The following SPAST variants were observed in gnomAD, a reference collection of about 807,000 sequenced individuals.
The protein encoded by SPAST is spastic paraplegia 4 (autosomal dominant; spastin).
SPAST carries 30 observed loss-of-function variants against 76.6 expected under a neutral mutation model. That is an observed-to-expected ratio of 0.39 (90% CI 0.29 to 0.53). The LOEUF (loss-of-function observed/expected upper bound fraction) is 0.53, where lower values mean the gene tolerates loss of function less well. Among genes scored for constraint, SPAST ranks in the 20% least tolerant of loss-of-function variants. The probability of loss-of-function intolerance (pLI) is 0.68; values close to 1 mark genes in which losing one functional copy is unlikely to be tolerated. For missense variants in SPAST, 717 were observed against 770.5 expected (o/e 0.93, Z 0.82); for synonymous variants, 305 against 281.0 (o/e 1.09, Z -0.86).
chr2:32,107,754 T>A (rs1264455267), intron 4 of SPAST, among the ~76,000 whole-genome samples: 1 of 152,166 alleles, frequency 6.6e-6, no homozygotes, highest in Non-Finnish European at 1.5e-5. Context: ...TCTTTTCTTT[T>A]CTGTTTTCTG....
chr2:32,108,383 T>C (rs1181347150), intron 4 of SPAST, among the ~76,000 whole-genome samples: 1 of 152,220 alleles, frequency 6.6e-6, no homozygotes, highest in Non-Finnish European at 1.5e-5. Flanking sequence ...TTTGGTTTCA[T>C]ATACAATGCT....
chr2:32,150,413 T>TATTTA lies in SPAST; in HGVS notation c.1728+3176_1728+3180dup, dbSNP rs538053886. ...GCTGAAAGCTTTTAGTTTTCTAACTTATTTAATTTAATTTAATTTAATTTA... is the reference window on the plus strand; with the variant it reads ...GCTGAAAGCTTTTAGTTTTCTAACTTATTTAATTTAATTTAATTTAATTTAATTTA... On this transcript the variant is annotated intron_variant, in intron 16 of 16. Transcript: ENST00000315285. 1.1e-3 allele frequency among the ~76,000 whole-genome samples: 162 copies of TATTTA among 151,336 alleles called. 1 individual carries two copies. Among genetic ancestry groups the TATTTA allele is most frequent in the Admixed American group, 1.8e-3 (28 of 15,172 alleles).
At chr2:32,127,158 GTTTGT>G (rs1006566580) in intron 8 of SPAST, 136 bp downstream of exon 8, 9 of 723,328 alleles carry the variant, frequency 1.2e-5, no homozygotes, top group South Asian at 7.7e-5. Flanking sequence ...TTTTTTGTTT[GTTTGT>G]TTTGTTTTGT....
At chr2:32,098,701 T>G (rs977838120) in intron 3 of SPAST, 95 bp from the exon 4 acceptor site, 5 of 803,030 alleles carry the variant, frequency 6.2e-6, no homozygotes, top group Non-Finnish European at 1.1e-5. Context: ...GGTAACACCT[T>G]GAGTAATTTG....
chr2:32,065,465 A>T (rs894426860), intron 1 of SPAST, among the ~76,000 whole-genome samples: 2 of 152,222 alleles, frequency 1.3e-5, no homozygotes. Context: ...AGATGAAGGT[A>T]TTATTGGTAT....
At chr2:32,071,121 T>C (rs550091267) in intron 1 of SPAST, among the ~76,000 whole-genome samples, 21 of 152,324 alleles carry the variant, frequency 1.4e-4, no homozygotes, top group African/African-American at 4.6e-4. Context: ...GCATGGCTCC[T>C]GTGGGTAGAC....
intron 7 of SPAST, among the ~76,000 whole-genome samples, chr2:32,119,234 G>A (rs1036728843): frequency 1.3e-5 from 2 of 152,062 alleles, no homozygotes; most frequent in East Asian, 1.9e-4. Flanking sequence ...CTAGCTCAGC[G>A]TTTCACAATA....
At chr2:32,141,011 G>C (rs1223180001) in intron 12 of SPAST, among the ~76,000 whole-genome samples, 1 of 133,964 alleles carries the variant, frequency 7.5e-6, no homozygotes, top group Non-Finnish European at 1.6e-5. Context: ...ATTTTTCTTT[G>C]AATAAAAGGA....
chr2:32,126,956 A>G lies in SPAST; in HGVS notation c.1107A>G (p.Thr369=), dbSNP rs1573139443. ...AAGTATATATTTTTTAGTTGTTCAC[A>G]GGGCTTAGAGCTCCTGCCAGAGGGC... The part of the protein sequence containing the change: ...ILPSLRPELF[T]GLRAPARGLL... Residue 369 remains threonine (T), a synonymous_variant, in exon 8 of 17, where the codon ACA becomes ACG. Transcript: ENST00000315285. The G allele has an allele frequency of 1.2e-6, 2 of 1,609,254 alleles. No individual in the cohort carries two copies. The highest frequency in any genetic ancestry group is 1.7e-6 in the Non-Finnish European group (2 of 1,175,630).
At chr2:32,140,636 T>G (rs1369271309) in intron 12 of SPAST, among the ~76,000 whole-genome samples, 3 of 151,308 alleles carry the variant, frequency 2.0e-5, no homozygotes, top group East Asian at 3.9e-4. Flanking sequence ...AAGAAAAAAT[T>G]TTTTGGTCAG....
At chr2:32,113,941 T>C (rs1678721857) in intron 4 of SPAST, among the ~76,000 whole-genome samples, 1 of 151,772 alleles carries the variant, frequency 6.6e-6, no homozygotes, top group Non-Finnish European at 1.5e-5. Flanking sequence ...TGTTTTTTGT[T>C]TTTTTGTTTT....
chr2:32,122,176 G>T (rs1679043195), intron 7 of SPAST, among the ~76,000 whole-genome samples: 1 of 152,006 alleles, frequency 6.6e-6, no homozygotes, highest in Non-Finnish European at 1.5e-5. Flanking sequence ...TTTTTTTCTG[G>T]GGTTATTTGG....
At chr2:32,067,008 CTG>C (rs1425023887) in intron 1 of SPAST, among the ~76,000 whole-genome samples, 41 of 120,832 alleles carry the variant, frequency 3.4e-4, no homozygotes, top group African/African-American at 1.0e-3. Context: ...AAAAAAAAAA[CTG>C]TTTTAATTGT....
chr2:32,089,218 T>TTTTTTTTTTTTAA (rs375850129), intron 2 of SPAST, among the ~76,000 whole-genome samples: 1 of 129,974 alleles, frequency 7.7e-6, no homozygotes, highest in African/African-American at 2.9e-5. Flanking sequence ...TTTTTTTTTT[T>TTTTTTTTTTTTAA]AAGTAGAGAC....
intron 9 of SPAST, among the ~76,000 whole-genome samples, chr2:32,134,073 T>G (rs188206115): frequency 4.6e-4 from 70 of 152,324 alleles, no homozygotes; most frequent in African/African-American, 1.7e-3. Context: ...GTCTGTTCTG[T>G]CGCCCAGGCT....
intron 2 of SPAST, among the ~76,000 whole-genome samples, chr2:32,087,828 T>C (rs1166514696): frequency 3.5e-4 from 53 of 149,890 alleles, no homozygotes; most frequent in African/African-American, 1.1e-3. Context: ...CCCATGTAGC[T>C]GGGACCACAG....
At chr2:32,099,400 T>C (rs1252477168) in intron 4 of SPAST, among the ~76,000 whole-genome samples, 1 of 152,236 alleles carries the variant, frequency 6.6e-6, no homozygotes, top group Non-Finnish European at 1.5e-5. Context: ...GGATTAACTC[T>C]ATCCTTCATA....
chr2:32,146,774 A>C (rs1679899285), intron 15 of SPAST, among the ~76,000 whole-genome samples: 1 of 137,354 alleles, frequency 7.3e-6, no homozygotes, highest in Non-Finnish European at 1.5e-5. Context: ...CTGAGGCAGG[A>C]GTATCGCTTG....
At chr2:32,124,524 G>A (rs1679128215) in intron 7 of SPAST, among the ~76,000 whole-genome samples, 1 of 152,066 alleles carries the variant, frequency 6.6e-6, no homozygotes, top group Admixed American at 6.6e-5. Context: ...ATATGGTCCA[G>A]CAGTCTTACT....
Sources: gnomAD v4.1 joint callset for allele counts (sites outside exome capture counted in the v4.1 genomes callset) on GRCh38, gnomAD v4.1.1 for gene constraint, MANE v1.5 for transcripts, NCBI Gene and HGNC (gene_info 2026-07-23, HGNC 2026-07-21) for gene names.